EPHB1: variants seen among roughly 807,000 people sequenced by gnomAD.
EPHB1 encodes EPH receptor B1.
In EPHB1, 30 loss-of-function variants were observed where a neutral mutation model predicts 94.4. The observed-to-expected ratio is 0.32, with a 90% CI of 0.24 to 0.43. The LOEUF (loss-of-function observed/expected upper bound fraction) is 0.43. Among genes scored for constraint, EPHB1 ranks in the 20% least tolerant of loss-of-function variants. The probability of loss-of-function intolerance (pLI) is 1.00; values close to 1 mark genes in which losing one functional copy is unlikely to be tolerated. For missense variants in EPHB1, 1,055 were observed against 1,308.3 expected (o/e 0.81, Z 2.99); for synonymous variants, 522 against 489.1 (o/e 1.07, Z -0.89).
chr3:134,871,709 CT>C (rs1265818572), intron 1 of EPHB1, among the ~76,000 whole-genome samples: 4 of 152,274 alleles, frequency 2.6e-5, no homozygotes, highest in Admixed American at 1.3e-4. Context: ...AGCCTAGTCT[CT>C]TCACTCACTG....
chr3:134,983,284 G>A (rs1163658752), intron 3 of EPHB1, among the ~76,000 whole-genome samples: 2 of 152,146 alleles, frequency 1.3e-5, no homozygotes, highest in African/African-American at 4.8e-5. Context: ...CTACTGTGTT[G>A]GCAACTTTCA....
intron 3 of EPHB1, among the ~76,000 whole-genome samples, chr3:135,053,593 T>C (rs1937258114): frequency 6.6e-6 from 1 of 152,220 alleles, no homozygotes; most frequent in African/African-American, 2.4e-5. Context: ...GCTCTCTGTA[T>C]ATGCATCTTT....
At chr3:135,233,883 C>A (rs1412119227) in intron 12 of EPHB1, among the ~76,000 whole-genome samples, 1 of 152,202 alleles carries the variant, frequency 6.6e-6, no homozygotes, top group Non-Finnish European at 1.5e-5. Flanking sequence ...TACCTTGACC[C>A]CTTTTGGCCA....
intron 1 of EPHB1, among the ~76,000 whole-genome samples, chr3:134,920,816 G>A (rs1336704604): frequency 6.6e-6 from 1 of 152,122 alleles, no homozygotes; most frequent in Non-Finnish European, 1.5e-5. Context: ...CCACCATCCG[G>A]ACCCCCAGGA....
intron 3 of EPHB1, among the ~76,000 whole-genome samples, chr3:134,994,986 T>TTG (rs57873051): frequency 0.31 from 46,631 of 148,320 alleles, 8,414 homozygotes; most frequent in African/African-American, 0.51. Context: ...TTACATACAC[T>TTG]TGTGTGTGTG....
At chr3:134,964,847 T>C (rs1366504457) in intron 3 of EPHB1, among the ~76,000 whole-genome samples, 1 of 152,242 alleles carries the variant, frequency 6.6e-6, no homozygotes, top group Non-Finnish European at 1.5e-5. Context: ...ATTTCATTGA[T>C]AGAATTTTAA....
At chr3:135,243,117 C>G (rs542877234) in intron 13 of EPHB1, among the ~76,000 whole-genome samples, 57 of 149,272 alleles carry the variant, frequency 3.8e-4, no homozygotes, top group Non-Finnish European at 5.2e-4. Flanking sequence ...AAAGAAAAAT[C>G]AGACCCATCT....
chr3:134,838,503 T>G (rs974910849), intron 1 of EPHB1, among the ~76,000 whole-genome samples: 14 of 152,228 alleles, frequency 9.2e-5, no homozygotes, highest in African/African-American at 3.1e-4. Context: ...CAGTTTATAC[T>G]AAAATTTTAT....
chr3:134,804,088 T>A, intron 1 of EPHB1, among the ~76,000 whole-genome samples: 1 of 129,570 alleles, frequency 7.7e-6, no homozygotes, highest in Non-Finnish European at 1.6e-5. Flanking sequence ...TTTTTTTTTT[T>A]TTTTTTTTTT....
At chr3:134,937,877 G>A (rs553685044) in intron 2 of EPHB1, among the ~76,000 whole-genome samples, 21 of 150,054 alleles carry the variant, frequency 1.4e-4, no homozygotes, top group Middle Eastern at 3.5e-3. Context: ...CCCTGCCGCC[G>A]TTGCCATAGT....
chr3:134,894,138 C>T (rs1037083719), intron 1 of EPHB1, among the ~76,000 whole-genome samples: 3 of 152,196 alleles, frequency 2.0e-5, no homozygotes, highest in Non-Finnish European at 2.9e-5. Context: ...AGCACCATCC[C>T]GTCTTCCAAG....
intron 3 of EPHB1, among the ~76,000 whole-genome samples, chr3:135,061,974 T>G (rs1937517671): frequency 6.6e-6 from 1 of 152,194 alleles, no homozygotes; most frequent in Non-Finnish European, 1.5e-5. Context: ...GTATGTGCCA[T>G]ATTTTCTTAA....
intron 2 of EPHB1, among the ~76,000 whole-genome samples, chr3:134,930,814 G>T (rs1293734117): frequency 2.0e-5 from 3 of 152,172 alleles, no homozygotes; most frequent in Non-Finnish European, 4.4e-5. Context: ...ACCATGGCTG[G>T]GGTGGGTGCC....
chr3:134,850,720 G>A (rs565678294), intron 1 of EPHB1, among the ~76,000 whole-genome samples: 2 of 152,348 alleles, frequency 1.3e-5, no homozygotes, highest in South Asian at 2.1e-4. Flanking sequence ...AAGGAGGAGC[G>A]GCTGGCATTG....
Position 134,961,924 on chromosome 3 carries a change from A to G in EPHB1, c.805+9872A>G, listed in dbSNP as rs373273167. ...GTGAGAAAAATTAATTTATTTATTCAATGAATACTTATTGAGGATTTTCTA... is the reference window on the plus strand; with the variant it reads ...GTGAGAAAAATTAATTTATTTATTCGATGAATACTTATTGAGGATTTTCTA... On this transcript the variant is annotated intron_variant, in intron 3 of 15. Transcript: ENST00000398015. 7.2e-4 allele frequency among the ~76,000 whole-genome samples: 110 copies of G among 152,356 alleles called. 1 individual carries two copies. The highest frequency in any genetic ancestry group is 2.6e-3 in the African/African-American group (107 of 41,588).
chr3:135,040,616 C>G (rs1936802181), intron 3 of EPHB1, among the ~76,000 whole-genome samples: 2 of 152,210 alleles, frequency 1.3e-5, no homozygotes, highest in Admixed American at 6.5e-5. Context: ...GTGCACACAT[C>G]AAAGGGAAGG....
chr3:135,173,758 C>T (rs2400445), intron 9 of EPHB1, among the ~76,000 whole-genome samples: 6,644 of 152,292 alleles, frequency 0.044, 481 homozygotes, highest in African/African-American at 0.15. Flanking sequence ...CTGACTCTGT[C>T]TTCAGTCCGA....
intron 12 of EPHB1, among the ~76,000 whole-genome samples, chr3:135,228,530 A>G (rs1181662874): frequency 1.3e-5 from 2 of 152,216 alleles, no homozygotes; most frequent in Non-Finnish European, 2.9e-5. Context: ...ACAGAGAGTC[A>G]TCAGTCTTAG....
At chr3:134,970,617 G>C (rs1380515923) in intron 3 of EPHB1, among the ~76,000 whole-genome samples, 2 of 152,172 alleles carry the variant, frequency 1.3e-5, no homozygotes, top group Non-Finnish European at 2.9e-5. Flanking sequence ...TGTAGGGAAA[G>C]GATCTGCTTG....
Sources: allele counts gnomAD v4.1 joint callset (sites outside exome capture counted in the v4.1 genomes callset), GRCh38; gene constraint gnomAD v4.1.1; transcripts MANE v1.5; gene names NCBI Gene and HGNC (gene_info 2026-07-23, HGNC 2026-07-21).